Variants in CDH20 observed in about 807,000 individuals in gnomAD.
CDH20 encodes cadherin-20.
CDH20 carries 29 observed loss-of-function variants against 74.2 expected under a neutral mutation model. The ratio of observed to expected loss-of-function variants is 0.39; its 90% CI spans 0.29 to 0.53. The LOEUF (loss-of-function observed/expected upper bound fraction) is 0.53. Among genes scored for constraint, CDH20 ranks in the 20% least tolerant of loss-of-function variants. CDH20 has a pLI of 0.69. For missense variants in CDH20, 988 were observed against 1,048.3 expected, an observed-to-expected ratio of 0.94 and a Z score of 0.79; for synonymous variants, 469 against 405.4, an observed-to-expected ratio of 1.16 and a Z score of -1.88.
intron 1 of CDH20, among the ~76,000 whole-genome samples, chr18:61,344,076 G>A (rs1300755576): frequency 6.6e-6 from 1 of 152,102 alleles, no homozygotes; most frequent in Non-Finnish European, 1.5e-5. Context: ...AGAGGCTATT[G>A]GTTGACCTTG....
In CDH20 at chr18:61,477,001, G is replaced by A. The variant is rs540673964; in HGVS notation, c.-152-13401G>A. 1.4e-4 allele frequency among the ~76,000 whole-genome samples: 21 copies of A among 152,194 alleles called. No homozygotes were observed. The South Asian group carries it at 3.1e-3, about 23-fold the overall frequency. On this transcript the variant is annotated intron_variant, in intron 1 of 11. Coordinates refer to ENST00000262717, the MANE Select transcript of CDH20 (RefSeq NM_031891.4). The stretch of plus-strand genomic sequence containing the variant: ...TGAGAGTCCTCATTGAGAACACCTC[G>A]CACACTTGCTTGAAAGGTGGTTCCA...
At chr18:61,461,219 G>T (rs910620768) in intron 1 of CDH20, among the ~76,000 whole-genome samples, 2 of 149,028 alleles carry the variant, frequency 1.3e-5, no homozygotes, top group African/African-American at 4.9e-5. Flanking sequence ...TAAAACTACA[G>T]AACTCATTCA....
intron 1 of CDH20, among the ~76,000 whole-genome samples, chr18:61,436,911 C>T (rs1042042195): frequency 5.3e-5 from 8 of 152,076 alleles, no homozygotes; most frequent in African/African-American, 1.4e-4. Context: ...ATTAGGGACA[C>T]AGAATTTCAC....
chr18:61,379,191 A>T lies in CDH20; in HGVS notation c.-153+45364A>T, dbSNP rs188341321. ...TCAGCTTAGATAATTACCGCAGAAGAGTGGCTCTCTTTATTTCAACTGGCT... is the reference window on the plus strand; with the variant it reads ...TCAGCTTAGATAATTACCGCAGAAGTGTGGCTCTCTTTATTTCAACTGGCT... On this transcript the variant is annotated intron_variant, in intron 1 of 11. Transcript: ENST00000262717. 1.4e-4 allele frequency among the ~76,000 whole-genome samples: 21 copies of T among 152,322 alleles called. No homozygotes were observed. In the East Asian group the frequency reaches 3.9e-3, roughly 28 times the overall value.
chr18:61,470,132 C>A (rs553520194), intron 1 of CDH20, among the ~76,000 whole-genome samples: 39 of 152,306 alleles, frequency 2.6e-4, no homozygotes, highest in African/African-American at 9.4e-4. Flanking sequence ...TCAGTTCCAA[C>A]AATTCCCCTG....
At chr18:61,446,081 T>C (rs969754621) in intron 1 of CDH20, among the ~76,000 whole-genome samples, 1 of 152,122 alleles carries the variant, frequency 6.6e-6, no homozygotes, top group African/African-American at 2.4e-5. Context: ...GGGCCTAGCC[T>C]CAGAACCCAC....
intron 1 of CDH20, among the ~76,000 whole-genome samples, chr18:61,390,243 C>G (rs761467383): frequency 6.6e-6 from 1 of 152,204 alleles, no homozygotes; most frequent in Non-Finnish European, 1.5e-5. Flanking sequence ...AATAAATCAT[C>G]TAGAACCATA....
intron 1 of CDH20, among the ~76,000 whole-genome samples, chr18:61,476,897 A>G (rs545562907): frequency 8.5e-5 from 13 of 152,296 alleles, no homozygotes; most frequent in South Asian, 2.1e-4. Context: ...GAAAAATTAA[A>G]ATGTAAGTAT....
intron 1 of CDH20, among the ~76,000 whole-genome samples, chr18:61,356,870 C>A (rs1910513973): frequency 6.6e-6 from 1 of 152,180 alleles, no homozygotes; most frequent in Admixed American, 6.5e-5. Context: ...GTCATTTAAA[C>A]ATCTGCAAGC....
chr18:61,519,033 T>G (rs1381866519), intron 6 of CDH20, among the ~76,000 whole-genome samples: 1 of 150,562 alleles, frequency 6.6e-6, no homozygotes, highest in African/African-American at 2.5e-5. Flanking sequence ...AAATTGAAGA[T>G]CAACTTAATG....
intron 8 of CDH20, among the ~76,000 whole-genome samples, chr18:61,537,754 T>C (rs2144389393): frequency 6.6e-6 from 1 of 152,286 alleles, no homozygotes; most frequent in East Asian, 1.9e-4. Context: ...ACCACTGTTA[T>C]AATGAAGAAA....
intron 1 of CDH20, among the ~76,000 whole-genome samples, chr18:61,345,710 A>G (rs1241814291): frequency 2.0e-5 from 3 of 152,128 alleles, no homozygotes; most frequent in African/African-American, 7.2e-5. Context: ...CATGATGGGA[A>G]ATGTTCTGAA....
At chr18:61,339,198 G>A (rs765950079) in intron 1 of CDH20, among the ~76,000 whole-genome samples, 13 of 151,892 alleles carry the variant, frequency 8.6e-5, no homozygotes, top group African/African-American at 1.5e-4. Context: ...TTAAATGTGC[G>A]TATGCATATA....
chr18:61,511,310 G>A (rs1225907276), intron 6 of CDH20, among the ~76,000 whole-genome samples: 1 of 151,736 alleles, frequency 6.6e-6, no homozygotes, highest in Non-Finnish European at 1.5e-5. Context: ...GCTGCAGTGA[G>A]CCATGATCAT....
At chr18:61,509,036 G>C (rs962945747) in intron 6 of CDH20, among the ~76,000 whole-genome samples, 2 of 152,170 alleles carry the variant, frequency 1.3e-5, no homozygotes, top group Non-Finnish European at 2.9e-5. Context: ...AGGGCGTAAA[G>C]GCATAAGAAT....
intron 1 of CDH20, among the ~76,000 whole-genome samples, chr18:61,485,463 C>CCACAGATGG (rs1185487354): frequency 1.3e-5 from 2 of 152,042 alleles, no homozygotes; most frequent in African/African-American, 4.8e-5. Context: ...TTGGTTGCCT[C>CCACAGATGG]CACAGATGGG....
At chr18:61,483,213 C>T (rs1353474010) in intron 1 of CDH20, among the ~76,000 whole-genome samples, 1 of 152,174 alleles carries the variant, frequency 6.6e-6, no homozygotes, top group Admixed American at 6.5e-5. Context: ...ACGTGCTAAG[C>T]ACCTCTTGTA....
At position 61,555,021 on chromosome 18, in the gene CDH20, T is replaced by C. The variant is rs550833243; in HGVS notation, c.*326T>C. 6.1e-6 allele frequency: 7 copies of C among 1,154,474 alleles called. No homozygotes were observed. In the Admixed American group the frequency reaches 2.9e-4, roughly 48 times the overall value. 71.5% of individuals were successfully genotyped at this position (1,154,474 alleles called of 1,614,324 possible). A position where few individuals can be genotyped will look rare whatever the true frequency, so the allele number is the denominator to read the frequency against. On this transcript the variant is annotated 3_prime_UTR_variant, in exon 12 of 12. Transcript: ENST00000262717. ...TGCCATTCGCTAAGGCCTTTGTCAC[T>C]TTTCCACCACAGAAAGGCTCTGGCC...
chr18:61,523,464 G>C (rs1250573100), intron 6 of CDH20, among the ~76,000 whole-genome samples: 1 of 152,142 alleles, frequency 6.6e-6, no homozygotes, highest in Non-Finnish European at 1.5e-5. Flanking sequence ...TTTTTACACT[G>C]TTGGTGGGAG....
Sources: gnomAD v4.1 joint callset for allele counts (sites outside exome capture counted in the v4.1 genomes callset) on GRCh38, gnomAD v4.1.1 for gene constraint, MANE v1.5 for transcripts, NCBI Gene and HGNC (gene_info 2026-07-23, HGNC 2026-07-21) for gene names.